Variants in TRIP10 observed in about 807,000 individuals in gnomAD.
TRIP10 encodes thyroid hormone receptor interactor 10, also known as cdc42-interacting protein 4.
In TRIP10, 54 loss-of-function variants were observed where a neutral mutation model predicts 80.9. The ratio of observed to expected loss-of-function variants is 0.67; its 90% CI spans 0.54 to 0.84. The LOEUF (loss-of-function observed/expected upper bound fraction) is 0.84, where lower values mean the gene tolerates loss of function less well. Ranked by LOEUF, TRIP10 falls within the 40% of genes least tolerant of loss-of-function variation. TRIP10 has a pLI of 0.00. For synonymous variants in TRIP10, 321 were observed against 307.2 expected (o/e 1.04, Z -0.47); for missense variants, 773 against 815.3 (o/e 0.95, Z 0.63).
At position 6,745,785 on chromosome 19, in the gene TRIP10, C is replaced by T; in HGVS notation, c.985-244C>T. 2 of 985,222 alleles carry T rather than the reference C, an allele frequency of 2.0e-6. No homozygotes were observed. Among genetic ancestry groups the T allele is most frequent in the Non-Finnish European group, 2.4e-6 (2 of 829,892 alleles). 61.0% of individuals were successfully genotyped at this position (985,222 alleles called of 1,614,324 possible). On this transcript the variant is annotated intron_variant, in intron 9 of 14. Coordinates refer to ENST00000313244, the MANE Select transcript of TRIP10 (RefSeq NM_001288962.2). This position sits in a 1 kb window ranked among gnomAD's most constrained non-coding sequence, Gnocchi z 7.2. Reference sequence around the variant, plus strand: ...TTCGGGCTTACAGTTCAACATCCTCCCCGCCACCTTCCAGATTTTTTTGTG... The same window carrying T: ...TTCGGGCTTACAGTTCAACATCCTCTCCGCCACCTTCCAGATTTTTTTGTG...
Position 6,746,832 on chromosome 19 carries a change from C to T in TRIP10, c.1262+271C>T, listed in dbSNP as rs376686242. On this transcript the variant is annotated intron_variant, in intron 11 of 14. Coordinates refer to ENST00000313244, the MANE Select transcript of TRIP10 (RefSeq NM_001288962.2). This position sits in a 1 kb window ranked among gnomAD's most constrained non-coding sequence, Gnocchi z 6.2. ...CTAATTTTTATATTTTTAGTAGAGG[C>T]GGGGTTTCCCCATATTAGCCAGGCT... 1.4e-4 allele frequency among the ~76,000 whole-genome samples: 22 copies of T among 152,136 alleles called. No individual in the cohort carries two copies. The highest frequency in any genetic ancestry group is 1.2e-3 in the South Asian group (6 of 4,820).
rs1276276704 is a variant in TRIP10 at position 6,745,009 on chromosome 19, C to T, written c.984+15C>T. The T allele has an allele frequency of 1.2e-6, 2 of 1,610,008 alleles. No individual in the cohort carries two copies. The highest frequency in any genetic ancestry group is 1.7e-6 in the Non-Finnish European group (2 of 1,178,092). ...AGAAGAACAAGGTGGGGGCCGGGAC[C>T]CTTGGGATGGTGGGGGAGAAGGACA... On this transcript the variant is annotated intron_variant, in intron 9 of 14. Transcript: ENST00000313244. This position sits in a 1 kb window ranked among gnomAD's most constrained non-coding sequence, Gnocchi z 7.2.
rs1156367953 is a variant in TRIP10 at position 6,750,021 on chromosome 19, C to T, written c.1350C>T (p.Thr450=). The T allele has an allele frequency of 9.9e-6, 16 of 1,613,596 alleles. No individual in the cohort carries two copies. Among genetic ancestry groups the T allele is most frequent in the African/African-American group, 2.7e-5 (2 of 74,766 alleles). Residue 450 remains threonine, a synonymous_variant, in exon 12 of 15, where the codon ACC becomes ACT. Transcript: ENST00000313244. ...PASLEPQIAE[T]LSNIERLKLE... is the part of the protein sequence containing the mutation. ...GCTTGGAGCCCCAGATCGCTGAAAC[C>T]CTGAGCAACATTGAACGGCTGAAAT...
At position 6,746,081 on chromosome 19, in the gene TRIP10, C is replaced by A; in HGVS notation, c.1037C>A (p.Pro346His). 1 of 1,533,130 alleles carries A rather than the reference C, an allele frequency of 6.5e-7. No individual in the cohort carries two copies. The highest frequency in any genetic ancestry group is 2.1e-5 in the Admixed American group (1 of 48,224). The allele number at this position is 1,533,130 out of a possible 1,614,324, so 95.0% of individuals were successfully genotyped here. A position where few individuals can be genotyped will look rare whatever the true frequency, so the allele number is the denominator to read the frequency against. ...PLGGPVPSAL[P>H]NGPPSPRSGR... Reference sequence around the variant, plus strand: ...GGGGGCCCCGTACCCTCGGCATTGCCTAACGGACCCCCGTCCCCCCGCTCC... The same window carrying A: ...GGGGGCCCCGTACCCTCGGCATTGCATAACGGACCCCCGTCCCCCCGCTCC... Residue 346 changes from proline (P) to histidine (H), a missense_variant, in exon 10 of 15, where the codon CCT (proline) becomes CAT (histidine). Transcript: ENST00000313244. The surrounding 1 kb of genome is among the most constrained non-coding windows in gnomAD (Gnocchi z 6.2).
chr19:6,741,397 G>A, intron 3 of TRIP10, 116 bp downstream of exon 3: 1 of 1,200,094 alleles, frequency 8.3e-7, no homozygotes, highest in African/African-American at 1.5e-5. Flanking sequence ...CCTTCTAGAG[G>A]TGAGAGCATG....
Position 6,745,093 on chromosome 19 carries a change from C to A in TRIP10, c.984+99C>A. 1.4e-6 allele frequency: 2 copies of A among 1,437,966 alleles called. No individual in the cohort carries two copies. The highest frequency in any genetic ancestry group is 1.8e-6 in the Non-Finnish European group (2 of 1,088,144). The allele number at this position is 1,437,966 out of a possible 1,614,324, so 89.1% of individuals were successfully genotyped here. The stretch of plus-strand genomic sequence containing the variant: ...AGCCCCAGCCGCCTGAACGCCGAGT[C>A]TCGGGCAGGAATTTTCCTCTTGGCT... On this transcript the variant is annotated intron_variant, in intron 9 of 14. Coordinates refer to ENST00000313244, the MANE Select transcript of TRIP10 (RefSeq NM_001288962.2). The surrounding 1 kb of genome is among the most constrained non-coding windows in gnomAD (Gnocchi z 7.2).
In TRIP10 at chr19:6,744,577, C is replaced by T. The variant is rs1282949827; in HGVS notation, c.666C>T (p.Arg222=). Residue 222 remains arginine, a synonymous_variant, in exon 8 of 15, where the codon CGC becomes CGT. Coordinates refer to ENST00000313244, the MANE Select transcript of TRIP10 (RefSeq NM_001288962.2). This position sits in a 1 kb window ranked among gnomAD's most constrained non-coding sequence, Gnocchi z 4.9. ...AGAAGCTCCAAGACATGGATGAACG[C>T]AGGGCCACCCGCCTGGGTGCCGGGT... ...IFDKLQDMDE[R]RATRLGAGYG... 1 of 1,614,204 alleles carries T rather than the reference C, an allele frequency of 6.2e-7. No individual in the cohort carries two copies. The highest frequency in any genetic ancestry group is 1.7e-5 in the Admixed American group (1 of 60,032).
At chr19:6,748,155 T>C (rs1251684377) in intron 11 of TRIP10, 1 of 151,932 alleles carries the variant, frequency 6.6e-6, no homozygotes, top group South Asian at 2.1e-4. Flanking sequence ...AATAAAAAAA[T>C]CTGGCAGATT....
Position 6,741,110 on chromosome 19 carries a change from AC to A in TRIP10, c.126del (p.Tyr42Ter). On this transcript the variant is annotated frameshift_variant, in exon 2 of 15. Transcript: ENST00000313244. LOFTEE classifies it high-confidence loss of function. ...GAACGCACCGAAGTGGAACAGGCTT[AC>A]GCCAAACAACTGCGGTGAGACCCTG... is the stretch of plus-strand genomic sequence containing the variant. Reference protein sequence around the residue: ...VKERTEVEQAYAKQLRSLVKK... With the variant: ...VKERTEVEQAXAKQLRSLVKK... 1 of 1,614,220 alleles carries A rather than the reference AC, an allele frequency of 6.2e-7. No individual in the cohort carries two copies. Among genetic ancestry groups the A allele is most frequent in the Non-Finnish European group, 8.5e-7 (1 of 1,180,026 alleles).
At chr19:6,741,596 C>T (rs1269560180) in intron 3 of TRIP10, among the ~76,000 whole-genome samples, 1 of 152,150 alleles carries the variant, frequency 6.6e-6, no homozygotes, top group Non-Finnish European at 1.5e-5. Context: ...TTTTCCTCAT[C>T]TGTGAAATGG....
rs765708539 is a variant in TRIP10, at chr19:6,743,174, T to A, written c.346-20T>A. On this transcript the variant is annotated intron_variant, in intron 4 of 14. Coordinates refer to ENST00000313244, the MANE Select transcript of TRIP10 (RefSeq NM_001288962.2). ...CTTCTGCTGGAACCCTGGCGAGCCT[T>A]ATCACTCTTCTTTCTGTAGCACTTC... The A allele has an allele frequency of 1.2e-5, 20 of 1,614,008 alleles. No individual in the cohort carries two copies. The highest frequency in any genetic ancestry group is 1.7e-5 in the Non-Finnish European group (20 of 1,179,984).
chr19:6,745,832 C>G lies in TRIP10; in HGVS notation c.985-197C>G. 1 of 985,376 alleles carries G rather than the reference C, an allele frequency of 1.0e-6. No homozygotes were observed. The highest frequency in any genetic ancestry group is 4.7e-5 in the South Asian group (1 of 21,278). The allele number at this position is 985,376 out of a possible 1,614,324, so 61.0% of individuals were successfully genotyped here. A position where few individuals can be genotyped will look rare whatever the true frequency, so the allele number is the denominator to read the frequency against. ...TGTGTCGCTCCTGCATGCGTTTTCT[C>G]TGTGTGGTTGTGCATCTTGAGTTGT... On this transcript the variant is annotated intron_variant, in intron 9 of 14. Transcript: ENST00000313244. This position sits in a 1 kb window ranked among gnomAD's most constrained non-coding sequence, Gnocchi z 7.2.
Position 6,741,091 on chromosome 19 carries a change from A to C in TRIP10, c.106A>C (p.Thr36Pro). 6.2e-7 allele frequency: 1 copy of C among 1,614,162 alleles called. No individual in the cohort carries two copies. The highest frequency in any genetic ancestry group is 8.5e-7 in the Non-Finnish European group (1 of 1,180,010). The change falls in exon 2 of 15, where the codon ACC (threonine) becomes CCC (proline). Residue 36 changes from threonine to proline, a missense_variant. Coordinates refer to ENST00000313244, the MANE Select transcript of TRIP10 (RefSeq NM_001288962.2). ...ATATGTAAAGTTCGTGAAAGAACGC[A>C]CCGAAGTGGAACAGGCTTACGCCAA... ...DRYVKFVKER[T>P]EVEQAYAKQL... is the part of the protein sequence containing the mutation.
intron 3 of TRIP10, 77 bp downstream of exon 3, chr19:6,741,358 T>G: frequency 6.7e-7 from 1 of 1,496,424 alleles, no homozygotes; most frequent in Non-Finnish European, 9.1e-7. Context: ...CTCCCTCAGC[T>G]GGGACACCCC....
chr19:6,740,670 C>G (rs1968888140), intron 1 of TRIP10: 1 of 253,982 alleles, frequency 3.9e-6, no homozygotes, highest in Non-Finnish European at 7.7e-6. Flanking sequence ...GCCGGGCCGG[C>G]CGGATTTTCC....
chr19:6,750,574 A>G lies in TRIP10; in HGVS notation c.1598A>G (p.Asp533Gly). Reference protein sequence around the residue: ...DTPIYTEFDEDFEEEPTSPIG... With the variant: ...DTPIYTEFDEGFEEEPTSPIG... ...CCCATTTACACGGAGTTTGATGAGG[A>G]TTTCGAGGAGGAACCCACATCCCCC... Residue 533 changes from aspartate (D) to glycine (G), a missense_variant, in exon 14 of 15, where the codon GAT (aspartate) becomes GGT (glycine). Coordinates refer to ENST00000313244, the MANE Select transcript of TRIP10 (RefSeq NM_001288962.2). The G allele has an allele frequency of 6.2e-7, 1 of 1,614,174 alleles. No homozygotes were observed. Among genetic ancestry groups the G allele is most frequent in the Non-Finnish European group, 8.5e-7 (1 of 1,180,022 alleles).
intron 3 of TRIP10, among the ~76,000 whole-genome samples, chr19:6,741,693 C>T (rs1298078761): frequency 6.6e-6 from 1 of 152,054 alleles, no homozygotes; most frequent in Non-Finnish European, 1.5e-5. Flanking sequence ...CCATATCAAA[C>T]GCCGTAAGGA....
chr19:6,743,538 A>C lies in TRIP10; in HGVS notation c.453A>C (p.Ala151=). The C allele has an allele frequency of 6.4e-7, 1 of 1,574,726 alleles. No homozygotes were observed. Among genetic ancestry groups the C allele is most frequent in the Non-Finnish European group, 8.6e-7 (1 of 1,156,934 alleles). Residue 151 remains alanine (A), a synonymous_variant, in exon 6 of 15, where the codon GCA becomes GCC. Coordinates refer to ENST00000313244, the MANE Select transcript of TRIP10 (RefSeq NM_001288962.2). ...GGGACTGCCGGGAGGCAGAGAAGGC[A>C]GCCCAGACTGCTGAACGGCTAGACC... is the stretch of plus-strand genomic sequence containing the variant. ...FERDCREAEK[A]AQTAERLDQD...
rs952447416 is a variant in TRIP10 at position 6,745,947 on chromosome 19, C to G, written c.985-82C>G. 1 of 1,218,512 alleles carries G rather than the reference C, an allele frequency of 8.2e-7. No homozygotes were observed. The highest frequency in any genetic ancestry group is 1.6e-5 in the African/African-American group (1 of 64,282). The allele number at this position is 1,218,512 out of a possible 1,614,324, so 75.5% of individuals were successfully genotyped here. A position where few individuals can be genotyped will look rare whatever the true frequency, so the allele number is the denominator to read the frequency against. On this transcript the variant is annotated intron_variant, in intron 9 of 14. Transcript: ENST00000313244. The surrounding 1 kb of genome is among the most constrained non-coding windows in gnomAD (Gnocchi z 7.2). ...CCGTCCATCCGTGCGTCCATCCCTC[C>G]GTCCATTCGTCCTCACTCTCTACAT... is the stretch of plus-strand genomic sequence containing the variant.
Sources: allele counts gnomAD v4.1 joint callset (sites outside exome capture counted in the v4.1 genomes callset), GRCh38; gene constraint gnomAD v4.1.1; non-coding constraint Gnocchi (gnomAD v3.1); transcripts MANE v1.5; gene names NCBI Gene and HGNC (gene_info 2026-07-23, HGNC 2026-07-21).